The following UTP15 variants were observed in gnomAD, a reference collection of about 807,000 sequenced individuals.
UTP15 encodes the protein U3 small nucleolar RNA-associated protein 15 homolog.
A neutral mutation model predicts 59.1 loss-of-function variants in UTP15; 5 were observed. The observed-to-expected ratio is 0.08, with a 90% CI of 0.04 to 0.18. The LOEUF (loss-of-function observed/expected upper bound fraction) is 0.18, where lower values mean the gene tolerates loss of function less well. UTP15 is among the 10% of genes least tolerant of loss of function. The probability of loss-of-function intolerance (pLI) is 1.00; values close to 1 mark genes in which losing one functional copy is unlikely to be tolerated. For missense variants in UTP15, 494 were observed against 616.7 expected, an observed-to-expected ratio of 0.80 and a Z score of 2.11; for synonymous variants, 211 against 212.2, an observed-to-expected ratio of 0.99 and a Z score of 0.05.
At chr5:73,573,578 ATT>A (rs35268325) in intron 7 of UTP15, among the ~76,000 whole-genome samples, 18 of 135,296 alleles carry the variant, frequency 1.3e-4, no homozygotes, top group Non-Finnish European at 2.0e-4. Context: ...AGATAAATTA[ATT>A]TTTTTTTTTT....
intron 10 of UTP15, 38 bp from the exon 11 acceptor site, chr5:73,578,979 G>A: frequency 6.3e-7 from 1 of 1,595,916 alleles, no homozygotes; most frequent in Non-Finnish European, 8.6e-7. Context: ...TTTTTGTGCT[G>A]TTTTGTCTAC....
At position 73,565,815 on chromosome 5, in the gene UTP15, C is replaced by G. The variant is rs1181609645; in HGVS notation, c.-181C>G. 2.2e-6 allele frequency: 1 copy of G among 456,182 alleles called. No individual in the cohort carries two copies. Among genetic ancestry groups the G allele is most frequent in the Non-Finnish European group, 4.4e-6 (1 of 226,982 alleles). The allele number at this position is 456,182 out of a possible 1,614,324, so 28.3% of individuals were successfully genotyped here. A position where few individuals can be genotyped will look rare whatever the true frequency, so the allele number is the denominator to read the frequency against. On this transcript the variant is annotated 5_prime_UTR_variant, in exon 1 of 13. Transcript: ENST00000296792. ...CTTGAGGGTCCATGTGATTTTTACG[C>G]CAGTGCTGCTGAACTGTGCAGGGTA... is the stretch of plus-strand genomic sequence containing the variant.
At position 73,577,836 on chromosome 5, in the gene UTP15, A is replaced by C. The variant is rs1001072354; in HGVS notation, c.895-20A>C. 1 of 1,568,902 alleles carries C rather than the reference A, an allele frequency of 6.4e-7. No homozygotes were observed. The highest frequency in any genetic ancestry group is 8.6e-7 in the Non-Finnish European group (1 of 1,164,208). On this transcript the variant is annotated intron_variant, in intron 8 of 12. Transcript: ENST00000296792. ...TTACGAGTTAAGAATAGACTAACTT[A>C]TTTTTCTAATTGTTATTAGCATGAA...
chr5:73,568,686 A>G (rs746672387), intron 4 of UTP15, 82 bp downstream of exon 4: 20 of 1,347,734 alleles, frequency 1.5e-5, no homozygotes, highest in Non-Finnish European at 1.4e-5. Flanking sequence ...TTAAAAAGAT[A>G]GAGATCAGTT....
intron 7 of UTP15, among the ~76,000 whole-genome samples, chr5:73,573,449 TATTGCC>T (rs1258720648): frequency 6.6e-6 from 1 of 151,856 alleles, no homozygotes; most frequent in African/African-American, 2.4e-5. Context: ...GGTTTCGCCA[TATTGCC>T]CAGACTGGTC....
rs766049462 is a variant in UTP15 at position 73,579,973 on chromosome 5, A to T, written c.1436A>T (p.Glu479Val). ...LVEKEIDYQRELLETLGMMDM... is the reference protein window; with the variant it reads ...LVEKEIDYQRVLLETLGMMDM... ...GAAAAAGAGATTGATTACCAAAGAG[A>T]ATTGTTAGAAACCTTGGGGATGATG... Residue 479 changes from glutamate to valine, a missense_variant, in exon 13 of 13, where the codon GAA becomes GTA. Physicochemically the swap from Glu to Val is moderately radical, Grantham distance 121. Transcript: ENST00000296792. 2 of 1,613,898 alleles carry T rather than the reference A, an allele frequency of 1.2e-6. No homozygotes were observed. Among genetic ancestry groups the T allele is most frequent in the Non-Finnish European group, 1.7e-6 (2 of 1,179,848 alleles).
At chr5:73,568,984 A>G (rs1306230531) in intron 4 of UTP15, among the ~76,000 whole-genome samples, 1 of 152,184 alleles carries the variant, frequency 6.6e-6, no homozygotes, top group African/African-American at 2.4e-5. Flanking sequence ...GTTGAAGTCA[A>G]GTAGGAAGGT....
At chr5:73,567,805 C>T (rs2112037295) in intron 2 of UTP15, 1 of 181,202 alleles carries the variant, frequency 5.5e-6, no homozygotes, top group South Asian at 1.7e-4. Flanking sequence ...TACAGTGTGC[C>T]CTTATAATGG....
rs1336645720 is a variant in UTP15, at chr5:73,567,266, A to G, written c.-79A>G. 9.2e-6 allele frequency: 8 copies of G among 867,472 alleles called. No individual in the cohort carries two copies. The highest frequency in any genetic ancestry group is 1.4e-5 in the Non-Finnish European group (8 of 565,322). 53.7% of individuals were successfully genotyped at this position (867,472 alleles called of 1,614,324 possible). On this transcript the variant is annotated 5_prime_UTR_variant, in exon 2 of 13. Coordinates refer to ENST00000296792, the MANE Select transcript of UTP15 (RefSeq NM_032175.4). ...ATAAAATATTTTATTTTTCAGAATT[A>G]AGGCAGAGTCACTGTAATTATTTCT...
Position 73,579,164 on chromosome 5 carries a change from CT to C in UTP15, c.1280+15del. ...TTTTTTGATAAGGTATGTTTTTTGTCTGTGAAACACTTACATTTTGCATCTG... is the reference window on the plus strand; with the variant it reads ...TTTTTTGATAAGGTATGTTTTTTGTCGTGAAACACTTACATTTTGCATCTG... On this transcript the variant is annotated intron_variant, in intron 11 of 12. Transcript: ENST00000296792. 6.2e-7 allele frequency: 1 copy of C among 1,612,844 alleles called. No homozygotes were observed. Among genetic ancestry groups the C allele is most frequent in the Non-Finnish European group, 8.5e-7 (1 of 1,179,460 alleles).
chr5:73,568,211 A>G (rs1554045558), intron 2 of UTP15, 24 bp from the exon 3 acceptor site: 16 of 1,565,598 alleles, frequency 1.0e-5, no homozygotes, highest in Non-Finnish European at 1.4e-5. Context: ...TAACTCTGTT[A>G]ACACACTATT....
chr5:73,580,136 A>G lies in UTP15; in HGVS notation c.*42A>G, dbSNP rs1339154781. 1.3e-6 allele frequency: 2 copies of G among 1,551,648 alleles called. No homozygotes were observed. The highest frequency in any genetic ancestry group is 2.7e-5 in the African/African-American group (2 of 73,090). On this transcript the variant is annotated 3_prime_UTR_variant, in exon 13 of 13. Coordinates refer to ENST00000296792, the MANE Select transcript of UTP15 (RefSeq NM_032175.4). Reference sequence around the variant, plus strand: ...CATATAAGAACTCTGAAGTTGGAATAGATTTGACTGTATTAAATGTTGGCG... The same window carrying G: ...CATATAAGAACTCTGAAGTTGGAATGGATTTGACTGTATTAAATGTTGGCG...
chr5:73,571,823 T>C (rs560001953), intron 6 of UTP15, among the ~76,000 whole-genome samples: 1 of 152,322 alleles, frequency 6.6e-6, no homozygotes, highest in South Asian at 2.1e-4. Flanking sequence ...GTGTCTACTT[T>C]TCTTGCTGTT....
rs1300806953 is a variant in UTP15 at position 73,572,757 on chromosome 5, T to C, written c.809+133T>C. 4 of 904,926 alleles carry C rather than the reference T, an allele frequency of 4.4e-6. No homozygotes were observed. The African/African-American group carries it at 5.1e-5, about 12-fold the overall frequency. The allele number at this position is 904,926 out of a possible 1,614,324, so 56.1% of individuals were successfully genotyped here. On this transcript the variant is annotated intron_variant, in intron 7 of 12. Transcript: ENST00000296792. The stretch of plus-strand genomic sequence containing the variant: ...TCCAGGAGAAAAAAACCTGTTGAGT[T>C]GAAAATAGTTTTGACCTTTTGTTTA...
chr5:73,572,491 G>T lies in UTP15; in HGVS notation c.676G>T (p.Gly226Cys), dbSNP rs1747959518. ...CTAACGATGATTTCTTTTTATAGGA[G>T]GTCGTTATGTTAAAGTCTGGGACAT... ...PSGGLLVSAG[G>C]RYVKVWDMLK... Residue 226 changes from glycine (G) to cysteine (C), a missense_variant and splice_region_variant, in exon 7 of 13, where the codon GGT becomes TGT. Transcript: ENST00000296792. The T allele has an allele frequency of 6.2e-7, 1 of 1,612,754 alleles. No individual in the cohort carries two copies. Among genetic ancestry groups the T allele is most frequent in the Non-Finnish European group, 8.5e-7 (1 of 1,179,648 alleles).
chr5:73,573,811 T>C (rs994596986), intron 7 of UTP15, among the ~76,000 whole-genome samples: 8 of 151,786 alleles, frequency 5.3e-5, no homozygotes, highest in Admixed American at 2.0e-4. Flanking sequence ...TGACTTCAGG[T>C]GATCCACTCA....
chr5:73,577,507 A>G (rs972323787), intron 8 of UTP15, among the ~76,000 whole-genome samples: 1 of 152,216 alleles, frequency 6.6e-6, no homozygotes, highest in African/African-American at 2.4e-5. Flanking sequence ...TATATTATAT[A>G]GAAATCTGAT....
chr5:73,576,928 G>A lies in UTP15; in HGVS notation c.810-24G>A, dbSNP rs186888450. 99 of 1,531,120 alleles carry A rather than the reference G, an allele frequency of 6.5e-5. No homozygotes were observed. The Middle Eastern group carries it at 1.4e-3, about 22-fold the overall frequency. 94.8% of individuals were successfully genotyped at this position (1,531,120 alleles called of 1,614,324 possible). A position where few individuals can be genotyped will look rare whatever the true frequency, so the allele number is the denominator to read the frequency against. ...TATACTCGTTTTCAAGGTGATTTTT[G>A]ACAAAGCTTTTCCTTTTTATTAGGA... is the stretch of plus-strand genomic sequence containing the variant. On this transcript the variant is annotated intron_variant, in intron 7 of 12. Transcript: ENST00000296792.
intron 12 of UTP15, 24 bp from the exon 13 acceptor site, chr5:73,579,853 T>C (rs1225293473): frequency 2.0e-6 from 3 of 1,503,728 alleles, no homozygotes; most frequent in African/African-American, 1.4e-5. Flanking sequence ...TGCTAGTTAA[T>C]GTGTTTTCTT....
Sources: allele counts gnomAD v4.1 joint callset (sites outside exome capture counted in the v4.1 genomes callset), GRCh38; gene constraint gnomAD v4.1.1; transcripts MANE v1.5; gene names NCBI Gene and HGNC (gene_info 2026-07-23, HGNC 2026-07-21).